The following RNLS variants were observed in gnomAD, a reference collection of about 807,000 sequenced individuals.
RNLS encodes renalase.
RNLS carries 39 observed loss-of-function variants against 39.8 expected under a neutral mutation model. The ratio of observed to expected loss-of-function variants is 0.98; its 90% CI spans 0.76 to 1.28. The LOEUF (loss-of-function observed/expected upper bound fraction) is 1.28, where lower values mean the gene tolerates loss of function less well. Among genes scored for constraint, RNLS ranks in the 50% most tolerant of loss-of-function variants. RNLS has a pLI of 0.00. For synonymous variants in RNLS, 147 were observed against 150.7 expected (o/e 0.98, Z 0.18); for missense variants, 410 against 413.3 (o/e 0.99, Z 0.07).
chr10:88,557,945 C>T (rs557161003), intron 4 of RNLS, among the ~76,000 whole-genome samples: 10 of 152,110 alleles, frequency 6.6e-5, no homozygotes, highest in East Asian at 1.9e-4. Flanking sequence ...TTTCTGTTAT[C>T]GAAGAACTCT....
chr10:88,478,830 A>G (rs1437839718), intron 4 of RNLS, among the ~76,000 whole-genome samples: 3 of 151,760 alleles, frequency 2.0e-5, no homozygotes, highest in Non-Finnish European at 2.9e-5. Flanking sequence ...GCCTTAACTA[A>G]TTTACCTTTT....
At chr10:88,300,494 C>T (rs1844435747) in intron 6 of RNLS, among the ~76,000 whole-genome samples, 4 of 152,226 alleles carry the variant, frequency 2.6e-5, no homozygotes. Flanking sequence ...ACATCACTAA[C>T]TTTACCTGTC....
chr10:88,342,680 C>A (rs1331044192), intron 5 of RNLS, among the ~76,000 whole-genome samples: 1 of 151,852 alleles, frequency 6.6e-6, no homozygotes, highest in African/African-American at 2.4e-5. Flanking sequence ...AATAGAGAAA[C>A]CATTTTAATT....
the RNLS span, among the ~76,000 whole-genome samples, chr10:88,199,735 G>A: frequency 1.3e-5 from 2 of 152,114 alleles, no homozygotes; most frequent in African/African-American, 4.8e-5. Context: ...AGAAGTAGAG[G>A]GAAGGGAAAA....
At chr10:88,282,476 AATACACACAC>A (rs929234445), downstream of RNLS, among the ~76,000 whole-genome samples, 1 of 102,756 alleles carries the variant, frequency 9.7e-6, no homozygotes, top group African/African-American at 3.9e-5. Context: ...GAAAAGTGAA[AATACACACAC>A]ACACACACAC....
At chr10:88,187,404 A>T in the RNLS span, among the ~76,000 whole-genome samples, 1 of 151,942 alleles carries the variant, frequency 6.6e-6, no homozygotes, top group East Asian at 1.9e-4. Context: ...ATTTAGATGG[A>T]GACAGATTAG....
At chr10:88,580,170 G>A (rs926536475) in intron 3 of RNLS, among the ~76,000 whole-genome samples, 5 of 152,124 alleles carry the variant, frequency 3.3e-5, no homozygotes, top group African/African-American at 9.7e-5. Context: ...ATAATCATGT[G>A]AGCCAATTCC....
intron 4 of RNLS, among the ~76,000 whole-genome samples, chr10:88,552,238 G>A (rs60452623): frequency 0.013 from 2,011 of 152,282 alleles, 49 homozygotes; most frequent in African/African-American, 0.045. Flanking sequence ...GGTAAGAAAG[G>A]CAGAAGAAAT....
chr10:88,510,850 A>G (rs76000208), intron 4 of RNLS, among the ~76,000 whole-genome samples: 176 of 145,662 alleles, frequency 1.2e-3, no homozygotes, highest in African/African-American at 4.1e-3. Context: ...CTGTTTCGAG[A>G]AAAAAAAAAA....
At chr10:88,406,640 G>A (rs1260724179) in intron 4 of RNLS, among the ~76,000 whole-genome samples, 1 of 152,066 alleles carries the variant, frequency 6.6e-6, no homozygotes, top group Admixed American at 6.6e-5. Context: ...ATGGAAAACA[G>A]TGTGGAGACT....
the RNLS span, among the ~76,000 whole-genome samples, chr10:88,227,841 C>T: frequency 1.3e-4 from 20 of 152,290 alleles, no homozygotes; most frequent in South Asian, 1.0e-3. Flanking sequence ...TTATTTCTGT[C>T]GTAGACGCTC....
At chr10:88,485,461 G>T (rs191862238) in intron 4 of RNLS, among the ~76,000 whole-genome samples, 2 of 151,794 alleles carry the variant, frequency 1.3e-5, no homozygotes, top group East Asian at 3.9e-4. Context: ...ATTCAAAATA[G>T]ATCATACACT....
the RNLS span, among the ~76,000 whole-genome samples, chr10:88,224,380 A>G: frequency 6.6e-6 from 1 of 152,188 alleles, no homozygotes; most frequent in Non-Finnish European, 1.5e-5. Flanking sequence ...AATTTGGAGG[A>G]CGCATTCAGA....
In RNLS at chr10:88,285,559, T is replaced by C. The variant is rs1214888884; in HGVS notation, c.877-53A>G. 4 of 1,487,708 alleles carry C rather than the reference T, an allele frequency of 2.7e-6. No individual in the cohort carries two copies. In the Admixed American group the frequency reaches 6.9e-5, roughly 25 times the overall value. The allele number at this position is 1,487,708 out of a possible 1,614,324, so 92.2% of individuals were successfully genotyped here. A position where few individuals can be genotyped will look rare whatever the true frequency, so the allele number is the denominator to read the frequency against. On this transcript the variant is annotated intron_variant, in intron 6 of 6. Coordinates refer to ENST00000331772, the MANE Select transcript of RNLS (RefSeq NM_001031709.3). ...TGACATTCTGTGCTCTATTGTGCTGTCATGGCAACACCCACCTGGAAAAGG... is the reference window on the plus strand; with the variant it reads ...TGACATTCTGTGCTCTATTGTGCTGCCATGGCAACACCCACCTGGAAAAGG...
the RNLS span, among the ~76,000 whole-genome samples, chr10:88,252,429 A>G: frequency 1.3e-5 from 2 of 152,146 alleles, no homozygotes; most frequent in Non-Finnish European, 2.9e-5. Context: ...CACACAGACA[A>G]GTACACTGTG....
chr10:88,549,330 G>A (rs1259032898), intron 4 of RNLS, among the ~76,000 whole-genome samples: 1 of 151,646 alleles, frequency 6.6e-6, no homozygotes, highest in African/African-American at 2.4e-5. Context: ...CAAGGAAGGG[G>A]GATCACTTGA....
At chr10:88,324,166 G>C (rs1846391847) in intron 5 of RNLS, among the ~76,000 whole-genome samples, 1 of 151,882 alleles carries the variant, frequency 6.6e-6, no homozygotes, top group Non-Finnish European at 1.5e-5. Flanking sequence ...TACGGAAAAC[G>C]GTATGGAGAT....
intron 4 of RNLS, among the ~76,000 whole-genome samples, chr10:88,455,310 T>A (rs1428474262): frequency 6.6e-6 from 1 of 152,158 alleles, no homozygotes; most frequent in African/African-American, 2.4e-5. Flanking sequence ...AAATAAACGT[T>A]CCAAACCTAC....
At chr10:88,568,520 T>C (rs996557610) in intron 4 of RNLS, among the ~76,000 whole-genome samples, 3 of 152,096 alleles carry the variant, frequency 2.0e-5, no homozygotes, top group Admixed American at 6.5e-5. Context: ...TGTGTGTCGT[T>C]GTTGTTTTGT....
Sources: gnomAD v4.1 joint callset for allele counts (sites outside exome capture counted in the v4.1 genomes callset) on GRCh38, gnomAD v4.1.1 for gene constraint, MANE v1.5 for transcripts, NCBI Gene and HGNC (gene_info 2026-07-23, HGNC 2026-07-21) for gene names.